EYS: variants seen among roughly 807,000 people sequenced by gnomAD.
The protein encoded by EYS is EGF-like photoreceptor maintenance factor.
In EYS, 250 loss-of-function variants were observed where a neutral mutation model predicts 282.1. The ratio of observed to expected loss-of-function variants is 0.89; its 90% CI spans 0.80 to 0.98. The LOEUF is 0.98. EYS is among the 50% of genes least tolerant of loss of function. EYS has a pLI of 0.00. For synonymous variants in EYS, 1,355 were observed against 1,282.9 expected, an observed-to-expected ratio of 1.06 and a Z score of -1.20; for missense variants, 4,016 against 3,709.0, an observed-to-expected ratio of 1.08 and a Z score of -2.15.
At chr6:65,618,762 T>C (rs970916253) in intron 2 of EYS, among the ~76,000 whole-genome samples, 47 of 152,340 alleles carry the variant, frequency 3.1e-4, no homozygotes, top group African/African-American at 1.1e-3. Context: ...AGTTTCAGCT[T>C]TCTACATATG....
intron 14 of EYS, among the ~76,000 whole-genome samples, chr6:64,982,825 A>C (rs371441851): frequency 1.3e-5 from 2 of 151,240 alleles, no homozygotes; most frequent in East Asian, 3.9e-4. Context: ...TAACCTTAAT[A>C]AAGTGGCAAC....
chr6:64,150,000 A>C (rs1294684208), intron 31 of EYS, among the ~76,000 whole-genome samples: 2 of 152,240 alleles, frequency 1.3e-5, no homozygotes, highest in Non-Finnish European at 2.9e-5. Flanking sequence ...ACTATGTTAT[A>C]GTCACCATTA....
At chr6:64,691,013 T>A (rs185080203) in intron 22 of EYS, among the ~76,000 whole-genome samples, 2 of 151,930 alleles carry the variant, frequency 1.3e-5, no homozygotes, top group East Asian at 3.9e-4. Context: ...AAAGTAAAAG[T>A]CATGCATATA....
chr6:65,620,334 A>G (rs969212278), intron 2 of EYS, among the ~76,000 whole-genome samples: 22 of 151,964 alleles, frequency 1.4e-4, no homozygotes, highest in Non-Finnish European at 2.1e-4. Context: ...TTTCTAGTTT[A>G]TTTGCGTAGA....
Position 65,605,823 on chromosome 6 carries a change from T to C in EYS, c.-333+33955A>G, listed in dbSNP as rs114167397. On this transcript the variant is annotated intron_variant, in intron 2 of 42. Transcript: ENST00000503581. ...ATAAATATGTGTGTGTATGTGTGTA[T>C]ATATTTATATATGATTGTATGCATA... 8.2e-4 allele frequency among the ~76,000 whole-genome samples: 124 copies of C among 151,926 alleles called. 1 individual carries two copies. Among genetic ancestry groups the C allele is most frequent in the African/African-American group, 2.9e-3 (119 of 41,532 alleles).
intron 35 of EYS, among the ~76,000 whole-genome samples, chr6:63,919,329 T>TC (rs1764505972): frequency 7.0e-6 from 1 of 143,622 alleles, no homozygotes; most frequent in Admixed American, 7.0e-5. Flanking sequence ...TTTTTTTTTT[T>TC]TTTTTTGTGC....
intron 33 of EYS, 61 bp from the exon 34 acceptor site, chr6:63,999,244 C>A: frequency 9.7e-7 from 1 of 1,032,788 alleles, no homozygotes; most frequent in South Asian, 1.4e-5. Context: ...GGAGTAACTT[C>A]ACACATGGAT....
At chr6:65,481,793 A>C (rs539289827) in intron 5 of EYS, among the ~76,000 whole-genome samples, 1 of 152,086 alleles carries the variant, frequency 6.6e-6, no homozygotes, top group Admixed American at 6.5e-5. Flanking sequence ...GATGGTCTCG[A>C]TCTCCTTACC....
intron 26 of EYS, among the ~76,000 whole-genome samples, chr6:64,465,744 A>C (rs116458099): frequency 0.021 from 3,218 of 151,950 alleles, 59 homozygotes; most frequent in African/African-American, 0.052. Context: ...AAAAAAAAAA[A>C]GACAAATGAG....
rs1478398230 is a variant in EYS, at chr6:64,049,530, AC to A, written c.6725+16807del. On this transcript the variant is annotated intron_variant, in intron 33 of 42. Transcript: ENST00000503581. ...CTTTCCCATTGGATTGAATTTAGGT[AC>A]CACTTTGAAAAGCATTAGAAACTAA... is the stretch of plus-strand genomic sequence containing the variant. 2.0e-5 allele frequency among the ~76,000 whole-genome samples: 3 copies of A among 152,182 alleles called. 1 individual carries two copies. Among genetic ancestry groups the A allele is most frequent in the Non-Finnish European group, 1.5e-5 (1 of 68,010 alleles).
At chr6:64,758,801 T>C (rs920767182) in intron 22 of EYS, among the ~76,000 whole-genome samples, 1 of 152,104 alleles carries the variant, frequency 6.6e-6, no homozygotes, top group Non-Finnish European at 1.5e-5. Context: ...AGTAATCAAT[T>C]TGGATGGGGA....
chr6:64,950,786 CATATACATATACATATATATATATAT>C (rs1332837668), intron 14 of EYS, among the ~76,000 whole-genome samples: 1 of 84,864 alleles, frequency 1.2e-5, no homozygotes, highest in Non-Finnish European at 2.1e-5. Context: ...AATATATACA[CATATACATATACATATATATATATAT>C]ATATATATAT....
chr6:63,826,575 TG>T (rs1329051815), intron 36 of EYS, among the ~76,000 whole-genome samples: 1 of 152,112 alleles, frequency 6.6e-6, no homozygotes, highest in East Asian at 1.9e-4. Context: ...TAGAAGGGAT[TG>T]GGGACCCATC....
At chr6:64,815,362 A>G (rs1764716834) in intron 21 of EYS, 1 of 270,084 alleles carries the variant, frequency 3.7e-6, no homozygotes, top group Non-Finnish European at 7.5e-6. Context: ...CTCTGTTTCT[A>G]GATATGTATA....
At chr6:65,299,098 G>T (rs1189160610) in intron 11 of EYS, among the ~76,000 whole-genome samples, 1 of 152,024 alleles carries the variant, frequency 6.6e-6, no homozygotes, top group Non-Finnish European at 1.5e-5. Flanking sequence ...TCTCTATAAA[G>T]GTTGATGTTC....
intron 2 of EYS, among the ~76,000 whole-genome samples, chr6:65,518,443 A>T (rs1767224175): frequency 6.6e-6 from 1 of 152,172 alleles, no homozygotes; most frequent in Admixed American, 6.6e-5. Context: ...TAATATATTA[A>T]AGCGTCAAAG....
intron 35 of EYS, among the ~76,000 whole-genome samples, chr6:63,956,030 C>T (rs920457289): frequency 3.3e-5 from 5 of 152,208 alleles, no homozygotes; most frequent in Non-Finnish European, 5.9e-5. Flanking sequence ...TCCCACACCA[C>T]CCCTAATCCA....
At chr6:64,478,867 G>A (rs992114754) in intron 26 of EYS, among the ~76,000 whole-genome samples, 4 of 151,422 alleles carry the variant, frequency 2.6e-5, no homozygotes, top group African/African-American at 7.3e-5. Flanking sequence ...AGGTATCAAA[G>A]TAATTTCATT....
chr6:63,907,235 G>A (rs79565955), intron 35 of EYS, among the ~76,000 whole-genome samples: 53 of 152,126 alleles, frequency 3.5e-4, no homozygotes, highest in East Asian at 2.9e-3. Flanking sequence ...AAGTTTATTC[G>A]TTTTCCCCTT....
Sources: gnomAD v4.1 joint callset for allele counts (sites outside exome capture counted in the v4.1 genomes callset) on GRCh38, gnomAD v4.1.1 for gene constraint, MANE v1.5 for transcripts, NCBI Gene and HGNC (gene_info 2026-07-23, HGNC 2026-07-21) for gene names.